The following COG2 variants were observed in gnomAD, a reference collection of about 807,000 sequenced individuals.
COG2 encodes component of oligomeric golgi complex 2, also known as conserved oligomeric Golgi complex subunit 2.
In COG2, 52 loss-of-function variants were observed where a neutral mutation model predicts 90.6. The observed-to-expected ratio is 0.57, with a 90% CI of 0.46 to 0.72. The LOEUF is 0.72. Ranked by LOEUF, COG2 falls within the 30% of genes least tolerant of loss-of-function variation. The probability of loss-of-function intolerance (pLI) is 0.00; values close to 1 mark genes in which losing one functional copy is unlikely to be tolerated. For missense variants in COG2, 829 were observed against 891.2 expected (o/e 0.93, Z 0.89); for synonymous variants, 337 against 320.4 (o/e 1.05, Z -0.55).
intron 1 of COG2, among the ~76,000 whole-genome samples, chr1:230,644,735 G>A (rs971858895): frequency 2.0e-5 from 3 of 152,180 alleles, no homozygotes; most frequent in African/African-American, 7.2e-5. Context: ...GTTTCAATGG[G>A]CCTTGTATAC....
At chr1:230,685,009 G>A (rs544894025) in intron 11 of COG2, 76 bp from the exon 12 acceptor site, 37 of 1,223,200 alleles carry the variant, frequency 3.0e-5, no homozygotes, top group Admixed American at 7.9e-5. Flanking sequence ...ATCGTACATC[G>A]GAAGTCTCAC....
At chr1:230,666,264 A>T (rs1662319807) in intron 5 of COG2, among the ~76,000 whole-genome samples, 1 of 152,040 alleles carries the variant, frequency 6.6e-6, no homozygotes, top group Non-Finnish European at 1.5e-5. Flanking sequence ...TATTTCCTTC[A>T]CTAACGAGGC....
chr1:230,644,211 G>C (rs1020944889), intron 1 of COG2, among the ~76,000 whole-genome samples: 1 of 152,202 alleles, frequency 6.6e-6, no homozygotes, highest in Admixed American at 6.5e-5. Context: ...TGCATATTTC[G>C]TGGCTCTGTG....
chr1:230,677,983 T>A, intron 9 of COG2: 4 of 984,204 alleles, frequency 4.1e-6, no homozygotes, highest in Non-Finnish European at 4.8e-6. Context: ...TAACATAAGT[T>A]TGCCCAAAAC....
At chr1:230,657,844 C>T (rs12407035) in intron 1 of COG2, among the ~76,000 whole-genome samples, 8,099 of 151,732 alleles carry the variant, frequency 0.053, 243 homozygotes, top group Middle Eastern at 0.088. Flanking sequence ...TCCTTTCTTC[C>T]GCTTGATTGA....
chr1:230,664,096 G>A (rs1006136833), intron 4 of COG2, among the ~76,000 whole-genome samples: 7 of 152,096 alleles, frequency 4.6e-5, no homozygotes, highest in Non-Finnish European at 1.0e-4. Context: ...GGCTGAGGTG[G>A]GAGGATCACT....
At position 230,671,600 on chromosome 1, in the gene COG2, T is replaced by G. The variant is rs372245384; in HGVS notation, c.859T>G (p.Cys287Gly). The change falls in exon 8 of 18, where the codon TGC becomes GGC. Residue 287 changes from cysteine to glycine, a missense_variant. Physicochemically the swap from Cys to Gly is radical, Grantham distance 159. Coordinates refer to ENST00000366669, the MANE Select transcript of COG2 (RefSeq NM_007357.3). ...ACTCCTGGAGTTTGTTCCTCACCAT[T>G]GCCGCCTTCTTCGAGAAGTCACAGG... ...NKLLEFVPHH[C>G]RLLREVTGGA... The G allele has an allele frequency of 8.7e-6, 14 of 1,613,902 alleles. No individual in the cohort carries two copies. Among genetic ancestry groups the G allele is most frequent in the Non-Finnish European group, 1.2e-5 (14 of 1,179,838 alleles).
chr1:230,678,340 T>G, intron 9 of COG2: 1 of 985,354 alleles, frequency 1.0e-6, no homozygotes, highest in Non-Finnish European at 1.2e-6. Flanking sequence ...AGTTGCCCTG[T>G]GGGGTCGTTT....
chr1:230,684,927 G>A (rs932118126), intron 11 of COG2, among the ~76,000 whole-genome samples, 158 bp from the exon 12 acceptor site: 7 of 152,218 alleles, frequency 4.6e-5, no homozygotes, highest in Non-Finnish European at 8.8e-5. Flanking sequence ...GTGGCCACTC[G>A]TCATCCCTGT....
At chr1:230,671,387 T>C in intron 7 of COG2, 129 bp from the exon 8 acceptor site, 1 of 711,392 alleles carries the variant, frequency 1.4e-6, no homozygotes, top group Non-Finnish European at 2.3e-6. Context: ...GTTTAGAAAA[T>C]GTGTCACAGG....
At chr1:230,648,709 A>T (rs554108156) in intron 1 of COG2, among the ~76,000 whole-genome samples, 15 of 152,348 alleles carry the variant, frequency 9.8e-5, no homozygotes, top group African/African-American at 2.9e-4. Flanking sequence ...TCAAAGTTAG[A>T]TAAGCATCAT....
chr1:230,688,456 G>A lies in COG2; in HGVS notation c.1688G>A (p.Cys563Tyr), dbSNP rs895266508. Residue 563 changes from cysteine (C) to tyrosine (Y), a missense_variant, in exon 15 of 18, where the codon TGT (cysteine) becomes TAT (tyrosine). Physicochemically the swap from Cys to Tyr is radical, Grantham distance 194. Coordinates refer to ENST00000366669, the MANE Select transcript of COG2 (RefSeq NM_007357.3). ...GACTCCCAGAGCTCTTTTTCAGCCT[G>A]TGTGCCCTCCTTGAGTAGCAAGATC... ...LEDSQSSFSA[C>Y]VPSLSSKIIQ... 1 of 1,614,072 alleles carries A rather than the reference G, an allele frequency of 6.2e-7. No homozygotes were observed.
intron 1 of COG2, among the ~76,000 whole-genome samples, chr1:230,656,770 G>T (rs1220145923): frequency 1.3e-5 from 2 of 152,098 alleles, no homozygotes; most frequent in Non-Finnish European, 2.9e-5. Context: ...CCTGTATTGG[G>T]TGCATATATA....
At chr1:230,662,703 AC>A (rs1248138866) in intron 3 of COG2, among the ~76,000 whole-genome samples, 1 of 151,988 alleles carries the variant, frequency 6.6e-6, no homozygotes, top group East Asian at 1.9e-4. Context: ...TGCCTGCAGT[AC>A]CCCCGGATGT....
chr1:230,689,851 G>A (rs893031912), intron 15 of COG2, 163 bp from the exon 16 acceptor site: 6 of 621,798 alleles, frequency 9.6e-6, no homozygotes, highest in African/African-American at 9.5e-5. Context: ...TCTCCAGGCA[G>A]CTTTCTGTGG....
At chr1:230,691,299 T>G in intron 16 of COG2, 85 bp from the exon 17 acceptor site, 1 of 1,218,082 alleles carries the variant, frequency 8.2e-7, no homozygotes, top group Non-Finnish European at 1.1e-6. Context: ...TAAAAATCTC[T>G]TTTTTTGGTC....
intron 1 of COG2, among the ~76,000 whole-genome samples, chr1:230,658,475 G>A (rs550033913): frequency 2.0e-5 from 3 of 152,280 alleles, no homozygotes; most frequent in South Asian, 2.1e-4. Context: ...TCTCCTGTGT[G>A]AAGTGTCTCT....
chr1:230,655,309 G>C (rs575450666), intron 1 of COG2, among the ~76,000 whole-genome samples: 4 of 152,180 alleles, frequency 2.6e-5, no homozygotes, highest in South Asian at 2.1e-4. Flanking sequence ...TAGCATGAAG[G>C]GGTGTTGAAT....
intron 11 of COG2, chr1:230,684,179 A>C (rs982840485): frequency 2.0e-5 from 3 of 152,508 alleles, no homozygotes; most frequent in African/African-American, 7.2e-5. Flanking sequence ...ATGAATAAGA[A>C]TATAGGAAAC....
Sources: gnomAD v4.1 joint callset for allele counts (sites outside exome capture counted in the v4.1 genomes callset) on GRCh38, gnomAD v4.1.1 for gene constraint, MANE v1.5 for transcripts, NCBI Gene and HGNC (gene_info 2026-07-23, HGNC 2026-07-21) for gene names.